ZFAND3: variants seen among roughly 807,000 people sequenced by gnomAD.
ZFAND3 encodes zinc finger AN1-type containing 3.
Under a neutral mutation model 29.6 loss-of-function variants are expected in ZFAND3, and 10 were observed. The ratio of observed to expected loss-of-function variants is 0.34; its 90% CI spans 0.21 to 0.57. The LOEUF (loss-of-function observed/expected upper bound fraction) is 0.57, where lower values mean the gene tolerates loss of function less well. Among genes scored for constraint, ZFAND3 ranks in the 20% least tolerant of loss-of-function variants. The pLI, the probability that ZFAND3 is intolerant of heterozygous loss-of-function variation, is 0.86. For synonymous variants in ZFAND3, 128 were observed against 112.6 expected (o/e 1.14, Z -0.87); for missense variants, 230 against 304.5 (o/e 0.76, Z 1.82).
intron 1 of ZFAND3, among the ~76,000 whole-genome samples, chr6:37,865,815 T>TC (rs999356271): frequency 6.6e-6 from 1 of 152,144 alleles, no homozygotes; most frequent in African/African-American, 2.4e-5. Context: ...AAGAGTGTGG[T>TC]CCGTAGGTAG....
chr6:38,134,877 G>A (rs1171209889), intron 5 of ZFAND3, among the ~76,000 whole-genome samples: 3 of 152,234 alleles, frequency 2.0e-5, no homozygotes, highest in African/African-American at 7.2e-5. Flanking sequence ...GGATACTGTA[G>A]TCAGTGTTAC....
Position 38,061,697 on chromosome 6 carries a change from A to G in ZFAND3, c.217A>G (p.Ile73Val). The G allele has an allele frequency of 1.2e-6, 2 of 1,614,196 alleles. No homozygotes were observed. Among genetic ancestry groups the G allele is most frequent in the Non-Finnish European group, 1.7e-6 (2 of 1,180,038 alleles). ...CACCAGTGACAACAACAATACCTCG[A>G]TAACCACGCCAACTCTTAGTCCCAG... is the stretch of plus-strand genomic sequence containing the variant. ...ETTSDNNNTS[I>V]TTPTLSPSQQ... is the part of the protein sequence containing the mutation. The change falls in exon 3 of 6, where the codon ATA becomes GTA. Residue 73 changes from isoleucine to valine, a missense_variant. Transcript: ENST00000287218.
chr6:37,885,698 A>G (rs1009544185), intron 1 of ZFAND3, among the ~76,000 whole-genome samples: 13 of 152,122 alleles, frequency 8.5e-5, no homozygotes, highest in African/African-American at 1.4e-4. Flanking sequence ...AAGAATTTCA[A>G]CCTTATTTGA....
chr6:38,027,313 G>A (rs2127449928), intron 2 of ZFAND3, among the ~76,000 whole-genome samples: 1 of 152,284 alleles, frequency 6.6e-6, no homozygotes, highest in South Asian at 2.1e-4. Context: ...GTCTCATTCA[G>A]TACATGTTCA....
intron 4 of ZFAND3, among the ~76,000 whole-genome samples, chr6:38,092,555 A>G (rs548546986): frequency 6.6e-6 from 1 of 152,314 alleles, no homozygotes; most frequent in African/African-American, 2.4e-5. Flanking sequence ...CTTAGAATTC[A>G]CTTTAGAGTC....
chr6:37,826,771 T>C (rs1420064188), intron 1 of ZFAND3, among the ~76,000 whole-genome samples: 5 of 151,050 alleles, frequency 3.3e-5, no homozygotes, highest in African/African-American at 4.9e-5. Flanking sequence ...AAAAAAAGTG[T>C]CTAATAATCA....
chr6:37,952,586 A>T (rs1762017091), intron 2 of ZFAND3, among the ~76,000 whole-genome samples: 1 of 151,580 alleles, frequency 6.6e-6, no homozygotes, highest in Non-Finnish European at 1.5e-5. Context: ...GTTTATTTGG[A>T]TATTCTCTCT....
chr6:37,951,790 T>C (rs150849933), intron 2 of ZFAND3, among the ~76,000 whole-genome samples: 135 of 152,298 alleles, frequency 8.9e-4, no homozygotes, highest in African/African-American at 2.9e-3. Context: ...AGGGAAATAC[T>C]TCTAGTTTTT....
chr6:38,144,395 G>A (rs1212538472), intron 5 of ZFAND3, among the ~76,000 whole-genome samples: 3 of 151,986 alleles, frequency 2.0e-5, no homozygotes, highest in Non-Finnish European at 4.4e-5. Context: ...GATGCTTTGG[G>A]AGGTCTTGGA....
chr6:38,040,258 AT>A (rs906150889), intron 2 of ZFAND3, among the ~76,000 whole-genome samples: 3 of 152,112 alleles, frequency 2.0e-5, no homozygotes, highest in African/African-American at 7.2e-5. Context: ...TTCATTATAT[AT>A]TTTTCAAACT....
Position 38,100,738 on chromosome 6 carries a change from T to G in ZFAND3, c.362-15834T>G, listed in dbSNP as rs9296236. Among the ~76,000 whole-genome samples, 847 of 152,290 alleles carry G rather than the reference T, an allele frequency of 5.6e-3. 8 individuals are homozygous for G. Among genetic ancestry groups the G allele is most frequent in the African/African-American group, 0.019 (788 of 41,552 alleles). ...TGGAATATAGTTATGGATTTTTCTT[T>G]TTTTAACATAATTTCAGACTTCAGA... On this transcript the variant is annotated intron_variant, in intron 4 of 5. Transcript: ENST00000287218.
rs1764614098 is a variant in ZFAND3, at chr6:38,079,361, GCT to G, written c.296-3026_296-3025del. On this transcript the variant is annotated intron_variant, in intron 3 of 5. Transcript: ENST00000287218. ...TTGGATTAGGTTGTTAGTTTAACAA[GCT>G]CTCTGGAGAACACCTTCATGATGAT... Among the ~76,000 whole-genome samples, 10 of 152,292 alleles carry G rather than the reference GCT, an allele frequency of 6.6e-5. No individual in the cohort carries two copies. The South Asian group carries it at 1.9e-3, about 28-fold the overall frequency.
intron 2 of ZFAND3, among the ~76,000 whole-genome samples, chr6:38,018,661 A>T (rs1240333957): frequency 6.6e-6 from 1 of 152,182 alleles, no homozygotes; most frequent in Non-Finnish European, 1.5e-5. Context: ...GTTTTACATT[A>T]TACTGCCATT....
intron 1 of ZFAND3, among the ~76,000 whole-genome samples, chr6:37,912,897 G>A (rs1189963060): frequency 6.6e-6 from 1 of 152,140 alleles, no homozygotes; most frequent in Non-Finnish European, 1.5e-5. Flanking sequence ...GACCACCACA[G>A]TATAGCACAA....
chr6:37,885,883 C>T (rs1764980295), intron 1 of ZFAND3, among the ~76,000 whole-genome samples: 1 of 151,936 alleles, frequency 6.6e-6, no homozygotes, highest in South Asian at 2.1e-4. Flanking sequence ...GCTGGGATTA[C>T]ACGTGTGAGC....
intron 2 of ZFAND3, among the ~76,000 whole-genome samples, chr6:37,959,364 T>C (rs770910196): frequency 6.6e-6 from 1 of 152,216 alleles, no homozygotes; most frequent in Non-Finnish European, 1.5e-5. Flanking sequence ...AATGTTAACA[T>C]TGGAATTACA....
At chr6:37,820,149 G>GT (rs1276000976) in intron 1 of ZFAND3, 133 bp downstream of exon 1, 1 of 532,618 alleles carries the variant, frequency 1.9e-6, no homozygotes, top group African/African-American at 2.0e-5. Context: ...CGGGGAGGGG[G>GT]TGGGGGTCGC....
intron 2 of ZFAND3, among the ~76,000 whole-genome samples, chr6:37,983,652 C>G (rs887565098): frequency 6.6e-6 from 1 of 152,164 alleles, no homozygotes; most frequent in African/African-American, 2.4e-5. Context: ...AGCCACCCCC[C>G]ACCCCTGGCC....
chr6:37,837,036 T>C (rs1763980238), intron 1 of ZFAND3, among the ~76,000 whole-genome samples: 1 of 152,202 alleles, frequency 6.6e-6, no homozygotes, highest in Non-Finnish European at 1.5e-5. Context: ...TCTGTGTTGC[T>C]GAAAAGATAC....
Sources: allele counts gnomAD v4.1 joint callset (sites outside exome capture counted in the v4.1 genomes callset), GRCh38; gene constraint gnomAD v4.1.1; transcripts MANE v1.5; gene names NCBI Gene and HGNC (gene_info 2026-07-23, HGNC 2026-07-21).